The following CYRIA variants were observed in gnomAD, a reference collection of about 807,000 sequenced individuals.
CYRIA encodes CYFIP-related Rac1 interactor A.
CYRIA carries 15 observed loss-of-function variants against 43.9 expected under a neutral mutation model. The observed-to-expected ratio is 0.34, with a 90% CI of 0.23 to 0.53. The LOEUF (loss-of-function observed/expected upper bound fraction) is 0.53. Among genes scored for constraint, CYRIA ranks in the 20% least tolerant of loss-of-function variants. The pLI, the probability that CYRIA is intolerant of heterozygous loss-of-function variation, is 0.94. For missense variants in CYRIA, 236 were observed against 394.2 expected, an observed-to-expected ratio of 0.60 and a Z score of 3.40; for synonymous variants, 117 against 136.0, an observed-to-expected ratio of 0.86 and a Z score of 0.97.
chr2:16,590,079 C>CAA (rs1208754158), intron 2 of CYRIA, among the ~76,000 whole-genome samples: 1 of 152,010 alleles, frequency 6.6e-6, no homozygotes, highest in Admixed American at 6.6e-5. Context: ...CACACACACA[C>CAA]ACACACACAC....
chr2:16,560,744 T>A (rs952827683), intron 9 of CYRIA: 1 of 532,440 alleles, frequency 1.9e-6, no homozygotes, highest in Non-Finnish European at 3.4e-6. Context: ...TGAGCCTTGG[T>A]TCTGCCACCT....
At chr2:16,570,534 C>T (rs1441636234) in intron 3 of CYRIA, among the ~76,000 whole-genome samples, 4 of 152,226 alleles carry the variant, frequency 2.6e-5, no homozygotes, top group South Asian at 2.1e-4. Flanking sequence ...TTGGCCTTCT[C>T]GATATTCAGA....
At chr2:16,654,800 T>G (rs1670063851) in intron 1 of CYRIA, among the ~76,000 whole-genome samples, 1 of 152,248 alleles carries the variant, frequency 6.6e-6, no homozygotes, top group African/African-American at 2.4e-5. Flanking sequence ...CATAATTCAC[T>G]GTTGTTAACA....
At chr2:16,556,451 G>A (rs1354701060) in intron 10 of CYRIA, among the ~76,000 whole-genome samples, 7 of 152,124 alleles carry the variant, frequency 4.6e-5, no homozygotes, top group Admixed American at 3.3e-4. Flanking sequence ...TTATGAACCA[G>A]GCCTAAGAAG....
intron 3 of CYRIA, among the ~76,000 whole-genome samples, chr2:16,574,940 C>T (rs941486224): frequency 2.6e-5 from 4 of 152,130 alleles, no homozygotes; most frequent in Non-Finnish European, 4.4e-5. Flanking sequence ...TCCTCCAGAC[C>T]CCAGAATGGT....
chr2:16,593,558 C>T (rs1043060859), intron 2 of CYRIA, among the ~76,000 whole-genome samples: 1 of 151,924 alleles, frequency 6.6e-6, no homozygotes, highest in African/African-American at 2.4e-5. Flanking sequence ...TCAGGTAATT[C>T]TACAAAAATT....
chr2:16,615,327 C>T (rs1357528928), intron 2 of CYRIA, among the ~76,000 whole-genome samples: 1 of 152,206 alleles, frequency 6.6e-6, no homozygotes, highest in Non-Finnish European at 1.5e-5. Flanking sequence ...AACCAGTGGT[C>T]GTTTTAGGAT....
At chr2:16,554,547 C>T (rs945978361) in intron 11 of CYRIA, among the ~76,000 whole-genome samples, 3 of 152,114 alleles carry the variant, frequency 2.0e-5, no homozygotes, top group African/African-American at 4.8e-5. Context: ...ACCTGGGGAG[C>T]TTTAGAATAA....
intron 1 of CYRIA, among the ~76,000 whole-genome samples, chr2:16,629,446 ACT>A (rs1669260639): frequency 6.6e-6 from 1 of 151,988 alleles, no homozygotes; most frequent in Admixed American, 6.5e-5. Context: ...CTCTTAACAA[ACT>A]CTCCCATCAA....
rs545693048 is a variant in CYRIA at position 16,585,595 on chromosome 2, A to T, written c.70+2455T>A. Among the ~76,000 whole-genome samples the T allele has an allele frequency of 4.6e-5, 7 of 152,346 alleles. No homozygotes were observed. In the East Asian group the frequency reaches 9.6e-4, roughly 21 times the overall value. On this transcript the variant is annotated intron_variant, in intron 3 of 11. Transcript: ENST00000381323. ...AATAAGCTACCAGATATGGGAATCC[A>T]GTCCACACTTCTTCCCCTTGAGGAA...
chr2:16,553,283 G>C lies in CYRIA; in HGVS notation c.909-284C>G, dbSNP rs567699546. The stretch of plus-strand genomic sequence containing the variant: ...CTAGGGAGGTGGATTTCACAGGATT[G>C]AGTGCAGAATCCTGACCACTGAGGC... On this transcript the variant is annotated intron_variant, in intron 11 of 11. Coordinates refer to ENST00000381323, the MANE Select transcript of CYRIA (RefSeq NM_030797.4). Among the ~76,000 whole-genome samples, 19 of 152,250 alleles carry C rather than the reference G, an allele frequency of 1.2e-4. No individual in the cohort carries two copies. The East Asian group carries it at 3.7e-3, about 29-fold the overall frequency.
At chr2:16,630,304 T>G (rs1277090159) in intron 1 of CYRIA, among the ~76,000 whole-genome samples, 2 of 152,140 alleles carry the variant, frequency 1.3e-5, no homozygotes, top group Non-Finnish European at 2.9e-5. Flanking sequence ...ACCTGGGCCC[T>G]GACCACTGTA....
chr2:16,582,984 T>C (rs1667601635), intron 3 of CYRIA, among the ~76,000 whole-genome samples: 1 of 152,206 alleles, frequency 6.6e-6, no homozygotes, highest in African/African-American at 2.4e-5. Context: ...ACCAGTGGTG[T>C]ATGATAATCC....
rs1314623349 is a variant in CYRIA, at chr2:16,552,909, C to T, written c.*27G>A. 3 of 1,458,540 alleles carry T rather than the reference C, an allele frequency of 2.1e-6. No individual in the cohort carries two copies. The highest frequency in any genetic ancestry group is 2.8e-5 in the African/African-American group (2 of 71,964). The allele number at this position is 1,458,540 out of a possible 1,614,324, so 90.3% of individuals were successfully genotyped here. ...ACATATACATCTTCTGAGGTCAGCA[C>T]ATAGATCCTCTTCTTTGAGCAGAGC... is the stretch of plus-strand genomic sequence containing the variant. On this transcript the variant is annotated 3_prime_UTR_variant, in exon 12 of 12. Transcript: ENST00000381323.
chr2:16,608,200 C>A (rs1668475763), intron 2 of CYRIA, among the ~76,000 whole-genome samples: 2 of 152,186 alleles, frequency 1.3e-5, no homozygotes, highest in African/African-American at 4.8e-5. Context: ...ACAACAAAGA[C>A]ATCACCCACA....
chr2:16,606,293 C>A (rs918087567), intron 2 of CYRIA, among the ~76,000 whole-genome samples: 1 of 152,100 alleles, frequency 6.6e-6, no homozygotes, highest in African/African-American at 2.4e-5. Flanking sequence ...CTGCTGTACC[C>A]CTTGATCCAC....
chr2:16,646,670 TG>T (rs1669828583), intron 1 of CYRIA, among the ~76,000 whole-genome samples: 1 of 152,226 alleles, frequency 6.6e-6, no homozygotes, highest in Non-Finnish European at 1.5e-5. Context: ...CCCAGATATT[TG>T]GTTAAACATT....
At chr2:16,605,084 C>T (rs1226005447) in intron 2 of CYRIA, among the ~76,000 whole-genome samples, 1 of 151,530 alleles carries the variant, frequency 6.6e-6, no homozygotes, top group Non-Finnish European at 1.5e-5. Flanking sequence ...CCATGGAATA[C>T]AAGCTGCTAG....
intron 1 of CYRIA, among the ~76,000 whole-genome samples, chr2:16,651,919 G>T (rs1442378073): frequency 6.6e-6 from 1 of 152,120 alleles, no homozygotes; most frequent in African/African-American, 2.4e-5. Context: ...TGAGGAAGGG[G>T]TTTATCTGTC....
Sources: allele counts gnomAD v4.1 joint callset (sites outside exome capture counted in the v4.1 genomes callset), GRCh38; gene constraint gnomAD v4.1.1; transcripts MANE v1.5; gene names NCBI Gene and HGNC (gene_info 2026-07-23, HGNC 2026-07-21).